Variants in LPAR1 observed in about 807,000 individuals in gnomAD.
The protein encoded by LPAR1 is lysophosphatidic acid receptor 1.
LPAR1 carries 5 observed loss-of-function variants against 23.8 expected under a neutral mutation model. The ratio of observed to expected loss-of-function variants is 0.21; its 90% confidence interval spans 0.11 to 0.44. The LOEUF (loss-of-function observed/expected upper bound fraction) is 0.44. Ranked by LOEUF, LPAR1 falls within the 20% of genes least tolerant of loss-of-function variation. The pLI is 0.99. For synonymous variants in LPAR1, 160 were observed against 164.7 expected, an observed-to-expected ratio of 0.97 and a Z score of 0.22; for missense variants, 311 against 482.8, an observed-to-expected ratio of 0.64 and a Z score of 3.33.
chr9:110,962,586 G>A (rs902795629), intron 4 of LPAR1, among the ~76,000 whole-genome samples: 2 of 152,298 alleles, frequency 1.3e-5, no homozygotes, highest in Admixed American at 6.5e-5. Flanking sequence ...ACTAAAGGTT[G>A]TCTGAATCAT....
intron 5 of LPAR1, among the ~76,000 whole-genome samples, chr9:110,915,060 A>G (rs2092926334): frequency 1.3e-5 from 2 of 152,138 alleles, no homozygotes; most frequent in Admixed American, 1.3e-4. Flanking sequence ...CTCATTTAAG[A>G]TGCAGACATT....
At chr9:110,974,359 C>T (rs1465518672) in intron 2 of LPAR1, among the ~76,000 whole-genome samples, 1 of 152,154 alleles carries the variant, frequency 6.6e-6, no homozygotes, top group Non-Finnish European at 1.5e-5. Flanking sequence ...TGGAGTTGGA[C>T]ATTTAATCCA....
intron 2 of LPAR1, among the ~76,000 whole-genome samples, chr9:111,009,597 T>G (rs1484634419): frequency 1.3e-5 from 2 of 152,072 alleles, no homozygotes; most frequent in African/African-American, 4.8e-5. Flanking sequence ...GTCCATTTTT[T>G]GTTTACATTT....
At chr9:110,909,306 G>A (rs564981233) in intron 5 of LPAR1, among the ~76,000 whole-genome samples, 1 of 152,206 alleles carries the variant, frequency 6.6e-6, no homozygotes, top group Admixed American at 6.5e-5. Context: ...GGGTGTTTCA[G>A]TAACAGTATA....
At chr9:110,883,843 T>G (rs2081559939) in intron 5 of LPAR1, among the ~76,000 whole-genome samples, 1 of 152,244 alleles carries the variant, frequency 6.6e-6, no homozygotes, top group Non-Finnish European at 1.5e-5. Context: ...CCCATTGATT[T>G]CTAGGCCTGC....
At position 110,874,036 on chromosome 9, in the gene LPAR1, C is replaced by T. The variant is rs914733792; in HGVS notation, c.*1385G>A. On this transcript the variant is annotated 3_prime_UTR_variant, in exon 6 of 6. Transcript: ENST00000683809. ...TCATTTGACTGGCTTTTCCTCACAACTGCCACCCATGCAGTACAAAAGCAG... is the reference window on the plus strand; with the variant it reads ...TCATTTGACTGGCTTTTCCTCACAATTGCCACCCATGCAGTACAAAAGCAG... The T allele has an allele frequency of 6.6e-6, 1 of 152,628 alleles. No individual in the cohort carries two copies. Among genetic ancestry groups the T allele is most frequent in the African/African-American group, 2.4e-5 (1 of 41,446 alleles). 9.5% of individuals were successfully genotyped at this position (152,628 alleles called of 1,614,324 possible). A position where few individuals can be genotyped will look rare whatever the true frequency, so the allele number is the denominator to read the frequency against.
intron 5 of LPAR1, among the ~76,000 whole-genome samples, chr9:110,883,991 C>T (rs2081620550): frequency 6.8e-6 from 1 of 147,162 alleles, no homozygotes; most frequent in East Asian, 2.0e-4. Context: ...CATGAGCATT[C>T]TTTCTAGAAA....
chr9:110,890,731 CATTAT>C (rs2083880875), intron 5 of LPAR1, among the ~76,000 whole-genome samples: 1 of 152,184 alleles, frequency 6.6e-6, no homozygotes, highest in Non-Finnish European at 1.5e-5. Context: ...TTGAATCTGA[CATTAT>C]ATTAGCAGAA....
chr9:110,892,264 T>C (rs2084444878), intron 5 of LPAR1, among the ~76,000 whole-genome samples: 1 of 152,052 alleles, frequency 6.6e-6, no homozygotes, highest in East Asian at 1.9e-4. Context: ...TTCAATAAAG[T>C]AGGAAAGAGA....
intron 4 of LPAR1, among the ~76,000 whole-genome samples, chr9:110,952,220 G>C (rs143936363): frequency 6.6e-6 from 1 of 152,292 alleles, no homozygotes; most frequent in East Asian, 1.9e-4. Context: ...ACAGCTCTTC[G>C]ATGTAGGGAA....
chr9:110,934,458 G>C (rs1288615943), intron 5 of LPAR1: 1 of 152,156 alleles, frequency 6.6e-6, no homozygotes, highest in Non-Finnish European at 1.5e-5. Context: ...ACCAATTACA[G>C]ATTTCTTTGT....
intron 4 of LPAR1, among the ~76,000 whole-genome samples, chr9:110,969,887 T>C (rs2418124): frequency 0.51 from 78,116 of 151,890 alleles, 21,245 homozygotes; most frequent in Non-Finnish European, 0.61. Context: ...CTTGGGCTCA[T>C]GTGTGAGTGG....
chr9:111,016,483 A>G (rs780293428), intron 2 of LPAR1, among the ~76,000 whole-genome samples: 14 of 152,198 alleles, frequency 9.2e-5, no homozygotes, highest in Non-Finnish European at 1.9e-4. Context: ...ACTCTGGCCA[A>G]AGGCATCAAC....
chr9:110,969,583 A>T (rs897696313), intron 4 of LPAR1, among the ~76,000 whole-genome samples: 1 of 152,034 alleles, frequency 6.6e-6, no homozygotes, highest in Admixed American at 6.6e-5. Flanking sequence ...ATGGAGGCAC[A>T]CACCTATAAT....
intron 5 of LPAR1, among the ~76,000 whole-genome samples, chr9:110,929,655 T>TGG (rs2094263768): frequency 6.6e-6 from 1 of 151,786 alleles, no homozygotes; most frequent in Non-Finnish European, 1.5e-5. Flanking sequence ...CCATGTAATA[T>TGG]AGAATTGATT....
At chr9:110,948,506 T>G (rs2095462780) in intron 4 of LPAR1, among the ~76,000 whole-genome samples, 1 of 152,170 alleles carries the variant, frequency 6.6e-6, no homozygotes, top group Non-Finnish European at 1.5e-5. Context: ...AAAGAAACTG[T>G]GCAACACATA....
chr9:110,888,841 G>A (rs891661767), intron 5 of LPAR1, among the ~76,000 whole-genome samples: 3 of 152,144 alleles, frequency 2.0e-5, no homozygotes, highest in Non-Finnish European at 4.4e-5. Flanking sequence ...ATACTGGAGA[G>A]AATGAGAAAA....
chr9:110,960,255 T>G (rs372197897), intron 4 of LPAR1, among the ~76,000 whole-genome samples: 25 of 152,326 alleles, frequency 1.6e-4, no homozygotes, highest in African/African-American at 6.0e-4. Context: ...ATAGCCTGAA[T>G]AGCCTGACTT....
chr9:110,964,466 C>T (rs1253663424), intron 4 of LPAR1, among the ~76,000 whole-genome samples: 1 of 152,048 alleles, frequency 6.6e-6, no homozygotes, highest in Non-Finnish European at 1.5e-5. Flanking sequence ...TGCATATTAA[C>T]ATAAGGGGAT....
Sources: gnomAD v4.1 joint callset for allele counts (sites outside exome capture counted in the v4.1 genomes callset) on GRCh38, gnomAD v4.1.1 for gene constraint, MANE v1.5 for transcripts, NCBI Gene and HGNC (gene_info 2026-07-23, HGNC 2026-07-21) for gene names.